The following TAFA2 variants were observed in gnomAD, a reference collection of about 807,000 sequenced individuals.
TAFA2 encodes TAFA chemokine like family member 2, also known as chemokine-like protein TAFA-2.
A neutral mutation model predicts 18.8 loss-of-function variants in TAFA2; 7 were observed. The ratio of observed to expected loss-of-function variants is 0.37; its 90% confidence interval spans 0.21 to 0.70. The LOEUF (loss-of-function observed/expected upper bound fraction) is 0.70. Ranked by LOEUF, TAFA2 falls within the 30% of genes least tolerant of loss-of-function variation. The probability of loss-of-function intolerance (pLI) is 0.53; values close to 1 mark genes in which losing one functional copy is unlikely to be tolerated. For missense variants in TAFA2, 122 were observed against 158.1 expected (o/e 0.77, Z 1.23); for synonymous variants, 60 against 54.2 (o/e 1.11, Z -0.47).
chr12:61,862,995 T>A, intron 2 of TAFA2, among the ~76,000 whole-genome samples: 1 of 152,214 alleles, frequency 6.6e-6, no homozygotes, highest in East Asian at 1.9e-4. Flanking sequence ...ACCTGCTATA[T>A]TCTCAGGCCT....
chr12:61,995,134 T>A (rs7315138), intron 1 of TAFA2, among the ~76,000 whole-genome samples: 113,670 of 152,010 alleles, frequency 0.75, 42,666 homozygotes, highest in Non-Finnish European at 0.76. Context: ...CCTTATAATG[T>A]TCTCCAAGGC....
At chr12:61,713,502 A>T (rs114373273) in intron 4 of TAFA2, among the ~76,000 whole-genome samples, 2,076 of 152,204 alleles carry the variant, frequency 0.014, 39 homozygotes, top group African/African-American at 0.047. Context: ...CTAACTAATG[A>T]CTCATCCTTT....
intron 1 of TAFA2, among the ~76,000 whole-genome samples, chr12:62,208,041 G>A (rs1361818796): frequency 1.3e-5 from 2 of 152,110 alleles, no homozygotes; most frequent in Admixed American, 6.5e-5. Context: ...CTCATTCCCT[G>A]GCTGGATGCT....
intron 1 of TAFA2, among the ~76,000 whole-genome samples, chr12:62,094,384 T>C (rs532722051): frequency 6.6e-6 from 1 of 151,998 alleles, no homozygotes. Context: ...TTGGGTAGAC[T>C]GTACACTGCT....
chr12:62,157,534 C>T lies in TAFA2; in HGVS notation c.-2+33725G>A, dbSNP rs2062378969. On this transcript the variant is annotated intron_variant, in intron 1 of 4. Coordinates refer to ENST00000416284, the MANE Select transcript of TAFA2 (RefSeq NM_178539.5). ...CTACAGCTCACCACGGCTGATGAACCACTCTGCGGTCCAGTCTGCCCTACC... is the reference window on the plus strand; with the variant it reads ...CTACAGCTCACCACGGCTGATGAACTACTCTGCGGTCCAGTCTGCCCTACC... Among the ~76,000 whole-genome samples the T allele has an allele frequency of 2.6e-5, 4 of 152,188 alleles. No individual in the cohort carries two copies. In the South Asian group the frequency reaches 6.2e-4, roughly 24 times the overall value.
At chr12:62,254,343 A>T (rs1383488482) in intron 1 of TAFA2, among the ~76,000 whole-genome samples, 9 of 152,194 alleles carry the variant, frequency 5.9e-5, no homozygotes. Flanking sequence ...GAGAAAACTA[A>T]TGTTTCCAGT....
chr12:62,237,237 G>A (rs1049913570), intron 1 of TAFA2, among the ~76,000 whole-genome samples: 2 of 152,202 alleles, frequency 1.3e-5, no homozygotes, highest in Non-Finnish European at 2.9e-5. Flanking sequence ...GCCGGGCGCG[G>A]TGGCTCACGC....
At chr12:61,995,682 T>C (rs950846647) in intron 1 of TAFA2, among the ~76,000 whole-genome samples, 9 of 152,144 alleles carry the variant, frequency 5.9e-5, no homozygotes, top group African/African-American at 2.2e-4. Context: ...TGTGATTCCA[T>C]TTATATGAAG....
chr12:62,054,315 C>A (rs1882131947), intron 1 of TAFA2, among the ~76,000 whole-genome samples: 1 of 152,042 alleles, frequency 6.6e-6, no homozygotes, highest in Non-Finnish European at 1.5e-5. Flanking sequence ...TCTTTTCAGC[C>A]CTTTTCACCA....
At chr12:62,071,469 C>T (rs142671825) in intron 1 of TAFA2, among the ~76,000 whole-genome samples, 30 of 152,172 alleles carry the variant, frequency 2.0e-4, no homozygotes, top group African/African-American at 7.0e-4. Flanking sequence ...TGGTCTCATT[C>T]GCACTTTTAA....
intron 1 of TAFA2, chr12:62,023,924 G>T (rs1325335956): frequency 6.6e-6 from 1 of 152,176 alleles, no homozygotes; most frequent in Admixed American, 6.5e-5. Context: ...AGACTTATAG[G>T]AGAGTTAAAT....
At chr12:62,124,661 GA>G (rs1209430251) in intron 1 of TAFA2, among the ~76,000 whole-genome samples, 1 of 152,056 alleles carries the variant, frequency 6.6e-6, no homozygotes, top group Non-Finnish European at 1.5e-5. Flanking sequence ...TAAAAATTAG[GA>G]AATTATATAT....
upstream of TAFA2, among the ~76,000 whole-genome samples, chr12:62,194,028 A>T (rs1275623931): frequency 1.3e-5 from 2 of 152,218 alleles, no homozygotes; most frequent in Non-Finnish European, 1.5e-5. Flanking sequence ...TACAGCAATC[A>T]TTTGTTTCCA....
chr12:61,887,780 C>T (rs11174219), intron 1 of TAFA2, among the ~76,000 whole-genome samples: 39,091 of 149,240 alleles, frequency 0.26, 5,317 homozygotes, highest in South Asian at 0.36. Context: ...TTTTTTATGG[C>T]TGCATAGTAT....
At chr12:62,088,415 G>T (rs201015817) in intron 1 of TAFA2, among the ~76,000 whole-genome samples, 11 of 152,066 alleles carry the variant, frequency 7.2e-5, no homozygotes, top group African/African-American at 2.7e-4. Flanking sequence ...ACAGCAGCAC[G>T]TACAGGAGTA....
intron 1 of TAFA2, among the ~76,000 whole-genome samples, chr12:62,257,162 A>ATGTGTGTGTGTG (rs71450578): frequency 3.9e-5 from 2 of 50,914 alleles, no homozygotes; most frequent in African/African-American, 1.2e-4. Flanking sequence ...ATACATATAT[A>ATGTGTGTGTGTG]TGTGTGTGTG....
At chr12:61,848,240 A>G (rs1028858065) in intron 2 of TAFA2, among the ~76,000 whole-genome samples, 1 of 152,224 alleles carries the variant, frequency 6.6e-6, no homozygotes, top group Non-Finnish European at 1.5e-5. Flanking sequence ...ACATTTCAAA[A>G]GAGCAAAACA....
chr12:62,247,551 T>C (rs542614470), intron 1 of TAFA2, among the ~76,000 whole-genome samples: 47 of 152,350 alleles, frequency 3.1e-4, no homozygotes, highest in African/African-American at 1.1e-3. Context: ...CGCATTTTTT[T>C]ACTTTAAGGG....
chr12:61,763,005 A>C (rs576688735), intron 2 of TAFA2, among the ~76,000 whole-genome samples: 3 of 152,128 alleles, frequency 2.0e-5, no homozygotes, highest in East Asian at 1.9e-4. Context: ...AAATTGAAAA[A>C]ATGTGCTGAA....
Sources: allele counts gnomAD v4.1 joint callset (sites outside exome capture counted in the v4.1 genomes callset), GRCh38; gene constraint gnomAD v4.1.1; transcripts MANE v1.5; gene names NCBI Gene and HGNC (gene_info 2026-07-23, HGNC 2026-07-21).